LIN52: variants seen among roughly 807,000 people sequenced by gnomAD.
The protein encoded by LIN52 is protein lin-52 homolog.
LIN52 carries 4 observed loss-of-function variants against 18.5 expected under a neutral mutation model. The ratio of observed to expected loss-of-function variants is 0.22; its 90% CI spans 0.11 to 0.49. The LOEUF (loss-of-function observed/expected upper bound fraction) is 0.49. Among genes scored for constraint, LIN52 ranks in the 20% least tolerant of loss-of-function variants. The pLI is 0.97. For synonymous variants in LIN52, 34 were observed against 45.5 expected (o/e 0.75, Z 1.02); for missense variants, 102 against 139.5 (o/e 0.73, Z 1.35).
rs374299677 is a variant in LIN52 at position 74,199,010 on chromosome 14, G to A, written c.*33G>A. 72 of 1,512,448 alleles carry A rather than the reference G, an allele frequency of 4.8e-5. No homozygotes were observed. Among genetic ancestry groups the A allele is most frequent in the Middle Eastern group, 1.7e-4 (1 of 5,910 alleles). The allele number at this position is 1,512,448 out of a possible 1,614,324, so 93.7% of individuals were successfully genotyped here. A position where few individuals can be genotyped will look rare whatever the true frequency, so the allele number is the denominator to read the frequency against. On this transcript the variant is annotated 3_prime_UTR_variant, in exon 6 of 6. Transcript: ENST00000555028. ...TTGCGGACAGGATGTCCTGGGGTCC[G>A]AAACCAAGCTCCCTTCCCGGTGCAC...
rs564107132 is a variant in LIN52 at position 74,092,235 on chromosome 14, G to A, written c.94+929G>A. Among the ~76,000 whole-genome samples, 543 of 151,150 alleles carry A rather than the reference G, an allele frequency of 3.6e-3. 4 individuals are homozygous for A. The highest frequency in any genetic ancestry group is 0.012 in the African/African-American group (513 of 41,194). On this transcript the variant is annotated intron_variant, in intron 2 of 5. Transcript: ENST00000555028. ...GATCCACCTGCCTCAGCGTCCCAAAGTGCTGGGATTACAGGTGTGAGCCAC... is the reference window on the plus strand; with the variant it reads ...GATCCACCTGCCTCAGCGTCCCAAAATGCTGGGATTACAGGTGTGAGCCAC...
chr14:74,128,319 C>A (rs1291758791), intron 5 of LIN52, among the ~76,000 whole-genome samples: 1 of 151,924 alleles, frequency 6.6e-6, no homozygotes, highest in Admixed American at 6.6e-5. Flanking sequence ...GAGGAGAGGG[C>A]GGCACAGAGA....
chr14:74,179,902 CT>C (rs1212003281), intron 5 of LIN52, among the ~76,000 whole-genome samples: 1 of 152,120 alleles, frequency 6.6e-6, no homozygotes, highest in African/African-American at 2.4e-5. Context: ...GGTTTTCAGA[CT>C]TTAGCATGAG....
chr14:74,101,106 TAGAGA>T, intron 4 of LIN52, 44 bp from the exon 5 acceptor site: 1 of 1,486,754 alleles, frequency 6.7e-7, no homozygotes, highest in South Asian at 1.2e-5. Flanking sequence ...AAGTTGCTAC[TAGAGA>T]AGAGTGGAAA....
intron 5 of LIN52, among the ~76,000 whole-genome samples, chr14:74,161,142 C>A (rs1028168991): frequency 6.6e-6 from 1 of 152,116 alleles, no homozygotes; most frequent in Non-Finnish European, 1.5e-5. Context: ...TTAGGGTAAT[C>A]ATATTAGCCA....
At chr14:74,113,868 G>A (rs72627157) in intron 5 of LIN52, 18,767 of 151,766 alleles carry the variant, frequency 0.12, 1,893 homozygotes, top group East Asian at 0.58. Context: ...GTGTTTCCTG[G>A]CCCCACTTTT....
At chr14:74,193,566 A>G (rs1490962335) in intron 5 of LIN52, among the ~76,000 whole-genome samples, 1 of 152,252 alleles carries the variant, frequency 6.6e-6, no homozygotes, top group Non-Finnish European at 1.5e-5. Flanking sequence ...AAGTTACTCT[A>G]AAAGAAATGA....
intron 5 of LIN52, among the ~76,000 whole-genome samples, chr14:74,108,530 C>T (rs1257614890): frequency 6.6e-6 from 1 of 152,148 alleles, no homozygotes; most frequent in Admixed American, 6.5e-5. Flanking sequence ...TTCTCACACC[C>T]TTGCCAATAC....
At chr14:74,112,465 AT>A (rs1223594127) in intron 5 of LIN52, among the ~76,000 whole-genome samples, 1 of 152,012 alleles carries the variant, frequency 6.6e-6, no homozygotes, top group Non-Finnish European at 1.5e-5. Flanking sequence ...AATAGTTTTT[AT>A]ATCTGCATAT....
chr14:74,161,830 C>T (rs117790708), intron 5 of LIN52, among the ~76,000 whole-genome samples: 2,091 of 152,340 alleles, frequency 0.014, 29 homozygotes, highest in Non-Finnish European at 0.022. Context: ...ACCTGCTTGT[C>T]GCTGCACAGA....
At chr14:74,149,337 A>G (rs897670907) in intron 5 of LIN52, among the ~76,000 whole-genome samples, 11 of 152,186 alleles carry the variant, frequency 7.2e-5, no homozygotes, top group South Asian at 2.1e-4. Flanking sequence ...GGATATTTTT[A>G]TAACTCTACA....
intron 5 of LIN52, among the ~76,000 whole-genome samples, chr14:74,196,395 C>A (rs1340888146): frequency 6.6e-6 from 1 of 152,292 alleles, no homozygotes; most frequent in East Asian, 1.9e-4. Context: ...GGTCAGCAGG[C>A]AGAAATCATT....
intron 5 of LIN52, among the ~76,000 whole-genome samples, chr14:74,144,622 A>AGCTTGTC (rs2061146527): frequency 6.6e-6 from 1 of 152,232 alleles, no homozygotes; most frequent in East Asian, 1.9e-4. Context: ...GTGGTAAGTC[A>AGCTTGTC]GCTTGTCGCT....
At chr14:74,100,142 T>TA (rs1203676246) in intron 4 of LIN52, among the ~76,000 whole-genome samples, 2 of 152,192 alleles carry the variant, frequency 1.3e-5, no homozygotes, top group African/African-American at 2.4e-5. Context: ...AATGTGGACT[T>TA]ACAATTAACA....
intron 5 of LIN52, among the ~76,000 whole-genome samples, chr14:74,132,576 T>C (rs2061074620): frequency 1.3e-5 from 2 of 152,196 alleles, no homozygotes; most frequent in Admixed American, 1.3e-4. Flanking sequence ...TGGCACAATC[T>C]CAGCTCACTG....
At chr14:74,136,223 G>A (rs2061097095) in intron 5 of LIN52, among the ~76,000 whole-genome samples, 1 of 152,170 alleles carries the variant, frequency 6.6e-6, no homozygotes, top group Non-Finnish European at 1.5e-5. Flanking sequence ...AGTTGAAAGT[G>A]CTTAACATTC....
intron 5 of LIN52, among the ~76,000 whole-genome samples, chr14:74,177,089 C>T (rs1021733067): frequency 3.3e-5 from 5 of 152,030 alleles, no homozygotes. Flanking sequence ...ACCTCCACCT[C>T]CTGGGTTCAA....
intron 5 of LIN52, among the ~76,000 whole-genome samples, chr14:74,152,959 C>CAAAA (rs1189515836): frequency 1.2e-4 from 5 of 41,494 alleles, no homozygotes; most frequent in African/African-American, 3.2e-4. Context: ...GACTCTGTCT[C>CAAAA]AAAAAAAAAA....
At chr14:74,169,341 A>G (rs1301763622) in intron 5 of LIN52, among the ~76,000 whole-genome samples, 1 of 152,044 alleles carries the variant, frequency 6.6e-6, no homozygotes, top group African/African-American at 2.4e-5. Flanking sequence ...CTTTTTCCCA[A>G]TTCCAAGAAG....
Sources: gnomAD v4.1 joint callset for allele counts (sites outside exome capture counted in the v4.1 genomes callset) on GRCh38, gnomAD v4.1.1 for gene constraint, MANE v1.5 for transcripts, NCBI Gene and HGNC (gene_info 2026-07-23, HGNC 2026-07-21) for gene names.